CELF5: variants seen among roughly 807,000 people sequenced by gnomAD.
CELF5 encodes CUGBP Elav-like family member 5, also known as CUG-BP and ETR-3 like factor 5.
CELF5 carries 6 observed loss-of-function variants against 54.9 expected under a neutral mutation model. That is an observed-to-expected ratio of 0.11 (90% CI 0.06 to 0.22). The LOEUF (loss-of-function observed/expected upper bound fraction) is 0.22, where lower values mean the gene tolerates loss of function less well. Ranked by LOEUF, CELF5 falls within the 10% of genes least tolerant of loss-of-function variation. The pLI is 1.00. For missense variants in CELF5, 401 were observed against 678.6 expected (o/e 0.59, Z 4.54); for synonymous variants, 271 against 290.9 (o/e 0.93, Z 0.70).
chr19:3,230,077 CTCATTCAT>C lies in CELF5; in HGVS notation c.259+5111_259+5118del, dbSNP rs113956897. 4.1e-4 allele frequency among the ~76,000 whole-genome samples: 61 copies of C among 149,318 alleles called. 1 individual carries two copies. The highest frequency in any genetic ancestry group is 6.2e-4 in the African/African-American group (25 of 40,394). On this transcript the variant is annotated intron_variant, in intron 1 of 12. Transcript: ENST00000292672. The stretch of plus-strand genomic sequence containing the variant: ...ATTGGAAACACCTGGTAGGACCACA[CTCATTCAT>C]TCATTCATTCATTCATTCATTCATT...
At chr19:3,288,718 C>T (rs907270170) in intron 10 of CELF5, among the ~76,000 whole-genome samples, 9 of 151,992 alleles carry the variant, frequency 5.9e-5, no homozygotes, top group East Asian at 1.9e-4. Context: ...CATGGTGGTG[C>T]GTGCCTGTGG....
At position 3,278,503 on chromosome 19, in the gene CELF5, C is replaced by T. The variant is rs115440436; in HGVS notation, c.603+393C>T. 0.01 allele frequency among the ~76,000 whole-genome samples: 1,557 copies of T among 151,384 alleles called. 33 individuals are homozygous for T. The highest frequency in any genetic ancestry group is 0.036 in the African/African-American group (1,488 of 41,214). ...GAGTGCTGTGTGCACGAGGGGTGTG[C>T]GTAAATATGTATGGATAAGTGTGCC... On this transcript the variant is annotated intron_variant, in intron 5 of 12. Transcript: ENST00000292672. The surrounding 1 kb of genome is among the most constrained non-coding windows in gnomAD (Gnocchi z 4.5).
chr19:3,240,401 C>T (rs1019350389), intron 1 of CELF5, among the ~76,000 whole-genome samples: 1 of 151,940 alleles, frequency 6.6e-6, no homozygotes, highest in Non-Finnish European at 1.5e-5. Flanking sequence ...TCTCAACTCA[C>T]TGCAACCTCT....
chr19:3,240,999 C>T (rs1005665715), intron 1 of CELF5, among the ~76,000 whole-genome samples: 1 of 152,070 alleles, frequency 6.6e-6, no homozygotes, highest in African/African-American at 2.4e-5. Context: ...CCCAATGTAC[C>T]CTTGGTACCC....
At chr19:3,270,411 A>C (rs1016437087) in intron 2 of CELF5, among the ~76,000 whole-genome samples, 12 of 149,744 alleles carry the variant, frequency 8.0e-5, no homozygotes, top group Admixed American at 7.9e-4. Flanking sequence ...GGGAGCCGGG[A>C]GGAGGTGGGC....
At chr19:3,235,774 A>G (rs1917566004) in intron 1 of CELF5, among the ~76,000 whole-genome samples, 1 of 131,152 alleles carries the variant, frequency 7.6e-6, no homozygotes, top group Non-Finnish European at 1.6e-5. Context: ...GGGTGGATAG[A>G]TGGATGGATG....
chr19:3,230,670 G>A (rs2144975383), intron 1 of CELF5, among the ~76,000 whole-genome samples: 1 of 152,304 alleles, frequency 6.6e-6, no homozygotes, highest in Non-Finnish European at 1.5e-5. Context: ...ACCTGCATGG[G>A]AAGCGGGCTT....
intron 11 of CELF5, 63 bp downstream of exon 11, chr19:3,290,437 T>C: frequency 6.3e-7 from 1 of 1,589,184 alleles, no homozygotes; most frequent in Non-Finnish European, 8.6e-7. Context: ...TGACAGGGAA[T>C]GGGAGGGTTT....
At chr19:3,237,832 G>A (rs2079437739) in intron 1 of CELF5, among the ~76,000 whole-genome samples, 1 of 147,402 alleles carries the variant, frequency 6.8e-6, no homozygotes, top group Admixed American at 6.8e-5. Flanking sequence ...GGTGGATCAC[G>A]AGGTCAGGAG....
chr19:3,291,952 T>C (rs2080357535), intron 11 of CELF5, among the ~76,000 whole-genome samples: 1 of 152,160 alleles, frequency 6.6e-6, no homozygotes, highest in South Asian at 2.1e-4. Flanking sequence ...GTTTTGTTTT[T>C]TGGCTTTTTT....
intron 1 of CELF5, among the ~76,000 whole-genome samples, chr19:3,239,375 A>G (rs1012629261): frequency 6.6e-6 from 1 of 152,004 alleles, no homozygotes; most frequent in African/African-American, 2.4e-5. Context: ...CTGGGACTGC[A>G]AGTGTGTGCC....
Position 3,224,723 on chromosome 19 carries a change from T to C in CELF5, c.-17T>C, listed in dbSNP as rs1423373612. 2 of 1,111,968 alleles carry C rather than the reference T, an allele frequency of 1.8e-6. No individual in the cohort carries two copies. The highest frequency in any genetic ancestry group is 2.2e-6 in the Non-Finnish European group (2 of 904,980). 68.9% of individuals were successfully genotyped at this position (1,111,968 alleles called of 1,614,324 possible). On this transcript the variant is annotated 5_prime_UTR_variant, in exon 1 of 13. Transcript: ENST00000292672. ...GCCGCCCGCCGCCGCCGCCGCCGGC[T>C]CGGTCCCGCGCCCGCCATGGCCCGC...
chr19:3,284,551 T>A (rs2080202429), intron 8 of CELF5, among the ~76,000 whole-genome samples: 1 of 151,726 alleles, frequency 6.6e-6, no homozygotes, highest in African/African-American at 2.4e-5. Flanking sequence ...AGGTGGTGAT[T>A]TGAGGTGGAG....
At chr19:3,266,620 C>T (rs1320992590) in intron 2 of CELF5, among the ~76,000 whole-genome samples, 1 of 152,182 alleles carries the variant, frequency 6.6e-6, no homozygotes, top group African/African-American at 2.4e-5. Context: ...CAAGGGTGTT[C>T]TTTGGTGGAC....
intron 1 of CELF5, among the ~76,000 whole-genome samples, chr19:3,231,064 C>T (rs1398889436): frequency 6.6e-6 from 1 of 152,208 alleles, no homozygotes; most frequent in Non-Finnish European, 1.5e-5. Flanking sequence ...GGGAGGCTGG[C>T]TGTCCTTGAA....
chr19:3,240,483 A>G (rs562911111), intron 1 of CELF5, among the ~76,000 whole-genome samples: 1 of 151,488 alleles, frequency 6.6e-6, no homozygotes, highest in African/African-American at 2.4e-5. Context: ...ATGAACCACC[A>G]CACCCAGCTA....
At position 3,224,825 on chromosome 19, in the gene CELF5, C is replaced by T. The variant is rs771124302; in HGVS notation, c.86C>T (p.Pro29Leu). 6.4e-7 allele frequency: 1 copy of T among 1,574,684 alleles called. No individual in the cohort carries two copies. The highest frequency in any genetic ancestry group is 2.4e-5 in the East Asian group (1 of 42,354). ...PRPSPVGSSG[P>L]EPPGGQPDGM... The stretch of plus-strand genomic sequence containing the variant: ...CCCTCGCCCGTGGGCAGCAGCGGGC[C>T]CGAGCCCCCCGGGGGGCAGCCCGAC... The change falls in exon 1 of 13, where the codon CCC (proline) becomes CTC (leucine). Residue 29 changes from proline to leucine, a missense_variant. Pro to Leu is a moderately conservative substitution (Grantham distance 98, BLOSUM62 -3). This residue lies in a region of CELF5 where 46 missense variants were observed against 55.0 expected (regional missense o/e 0.84). Transcript: ENST00000292672.
intron 1 of CELF5, among the ~76,000 whole-genome samples, chr19:3,244,777 G>T (rs1272860785): frequency 7.1e-6 from 1 of 141,834 alleles, no homozygotes. Context: ...GCATCTATGC[G>T]TGTGTGTATG....
chr19:3,229,493 G>A (rs892915214), intron 1 of CELF5, among the ~76,000 whole-genome samples: 2 of 152,210 alleles, frequency 1.3e-5, no homozygotes, highest in African/African-American at 4.8e-5. Flanking sequence ...GTGGAGGCCA[G>A]GAGGGCCGCC....
Sources: allele counts gnomAD v4.1 joint callset (sites outside exome capture counted in the v4.1 genomes callset), GRCh38; gene constraint gnomAD v4.1.1; regional missense constraint gnomAD v4.1.1; non-coding constraint Gnocchi (gnomAD v3.1); transcripts MANE v1.5; gene names NCBI Gene and HGNC (gene_info 2026-07-23, HGNC 2026-07-21).